The following HNRNPA3 variants were observed in gnomAD, a reference collection of about 807,000 sequenced individuals.
The protein encoded by HNRNPA3 is epididymis secretory sperm binding protein.
A neutral mutation model predicts 45.8 loss-of-function variants in HNRNPA3; 3 were observed. The observed-to-expected ratio is 0.07, with a 90% CI of 0.03 to 0.17. HNRNPA3 has a LOEUF of 0.17. Ranked by LOEUF, HNRNPA3 falls within the 10% of genes least tolerant of loss-of-function variation. HNRNPA3 has a pLI of 1.00. For synonymous variants in HNRNPA3, 170 were observed against 155.6 expected (o/e 1.09, Z -0.69); for missense variants, 183 against 480.3 (o/e 0.38, Z 5.79).
At chr2:177,217,941 A>C (rs1333014133) in intron 8 of HNRNPA3, 96 bp downstream of exon 8, 8 of 1,215,630 alleles carry the variant, frequency 6.6e-6, no homozygotes, top group African/African-American at 1.6e-5. Flanking sequence ...CGTTTGATCA[A>C]ATTTTATGTT....
chr2:177,212,840 C>T (rs1443692278), exon 1 of HNRNPA3: 7 of 1,551,714 alleles, frequency 4.5e-6, no homozygotes, highest in Non-Finnish European at 6.1e-6. Context: ...CAGCCCGACT[C>T]CGGCCGTCGC....
intron 8 of HNRNPA3, among the ~76,000 whole-genome samples, chr2:177,218,806 A>G (rs1239840909): frequency 6.6e-6 from 1 of 152,224 alleles, no homozygotes; most frequent in African/African-American, 2.4e-5. Context: ...AACACTGGCA[A>G]TTTTAATGGT....
chr2:177,218,052 C>CTTTTTTTTTTTTTTTTTTTTTTTTTTT (rs58476089), intron 8 of HNRNPA3, among the ~76,000 whole-genome samples: 2 of 102,190 alleles, frequency 2.0e-5, no homozygotes, highest in African/African-American at 4.0e-5. Context: ...TCTCTTTTTT[C>CTTTTTTTTTTTTTTTTTTTTTTTTTTT]TTTTTTTTTT....
chr2:177,217,636 C>A, intron 7 of HNRNPA3, 69 bp from the exon 8 acceptor site: 1 of 1,584,646 alleles, frequency 6.3e-7, no homozygotes, highest in Non-Finnish European at 8.7e-7. Context: ...CTTACACACA[C>A]ACCAGAATTG....
At position 177,219,160 on chromosome 2, in the gene HNRNPA3, G is replaced by GT. The variant is rs1689083965; in HGVS notation, c.1084+2dup. ...AGAAGCTCGGGCAGTCCCTATGGTGGTAAGTACTTTCTTAAATCAATTCTT... is the reference window on the plus strand; with the variant it reads ...AGAAGCTCGGGCAGTCCCTATGGTGGTTAAGTACTTTCTTAAATCAATTCTT... On this transcript the variant is annotated splice_donor_variant, in intron 9 of 10. Transcript: ENST00000392524. LOFTEE classifies it high-confidence loss of function. 1 of 1,612,972 alleles carries GT rather than the reference G, an allele frequency of 6.2e-7. No individual in the cohort carries two copies. Among genetic ancestry groups the GT allele is most frequent in the Non-Finnish European group, 8.5e-7 (1 of 1,179,724 alleles).
exon 7 of HNRNPA3, chr2:177,216,888 C>T (rs368828729): frequency 1.2e-6 from 2 of 1,603,848 alleles, no homozygotes; most frequent in Non-Finnish European, 1.7e-6. Context: ...GTGGTGGCAG[C>T]AGAGGTAGTT....
At chr2:177,213,952 A>G (rs1054577319) in intron 1 of HNRNPA3, among the ~76,000 whole-genome samples, 1 of 152,264 alleles carries the variant, frequency 6.6e-6, no homozygotes, top group Non-Finnish European at 1.5e-5. Context: ...ATGAGATTAC[A>G]TGAATTAATG....
intron 8 of HNRNPA3, among the ~76,000 whole-genome samples, chr2:177,218,210 T>C (rs1205472878): frequency 6.6e-6 from 1 of 152,018 alleles, no homozygotes; most frequent in Non-Finnish European, 1.5e-5. Context: ...TACAGGCGTA[T>C]GCCAGCACGC....
rs1407193252 is a variant in HNRNPA3 at position 177,212,883 on chromosome 2, A to G, written c.72+12A>G. 14 of 1,435,216 alleles carry G rather than the reference A, an allele frequency of 9.8e-6. No homozygotes were observed. The highest frequency in any genetic ancestry group is 5.5e-5 in the East Asian group (2 of 36,654). The allele number at this position is 1,435,216 out of a possible 1,614,324, so 88.9% of individuals were successfully genotyped here. ...GCCGGGGGGAGGAGGTATTAGGGGG[A>G]GAGCGGGGGGTTGGTGGGGAATGGC... On this transcript the variant is annotated intron_variant, in intron 1 of 10. Coordinates refer to ENST00000392524, the Ensembl canonical transcript of HNRNPA3.
At chr2:177,217,991 A>ACC in intron 8 of HNRNPA3, 146 bp downstream of exon 8, 1 of 666,052 alleles carries the variant, frequency 1.5e-6, no homozygotes, top group Non-Finnish European at 2.3e-6. Flanking sequence ...GTTCAAACCA[A>ACC]ATTTTCTTGA....
At position 177,215,959 on chromosome 2, in the gene HNRNPA3, T is replaced by G; in HGVS notation, c.343-19T>G. The G allele has an allele frequency of 6.2e-7, 1 of 1,600,422 alleles. No homozygotes were observed. Among genetic ancestry groups the G allele is most frequent in the Non-Finnish European group, 8.5e-7 (1 of 1,175,760 alleles). On this transcript the variant is annotated intron_variant, in intron 3 of 10. Transcript: ENST00000392524. ...TGTGAAAGTTTGTTTCTTGACTTAA[T>G]ATATTACTTTATTTGTAGGATTCTG...
intron 1 of HNRNPA3, among the ~76,000 whole-genome samples, 164 bp downstream of exon 1, chr2:177,213,035 C>T (rs1015921666): frequency 6.6e-6 from 1 of 152,030 alleles, no homozygotes; most frequent in African/African-American, 2.4e-5. Context: ...CTCCTTGGGG[C>T]CCCTCGCCCG....
At chr2:177,218,058 T>TC (rs1310895133) in intron 8 of HNRNPA3, among the ~76,000 whole-genome samples, 10 of 15,326 alleles carry the variant, frequency 6.5e-4, no homozygotes, top group African/African-American at 8.9e-4. Flanking sequence ...TTTTCTTTTT[T>TC]TTTTTTTTTT....
exon 4 of HNRNPA3, chr2:177,216,125 G>A: frequency 1.9e-6 from 3 of 1,577,414 alleles, no homozygotes. Context: ...CAGGCAGAGT[G>A]GAAAAAAGAG....
chr2:177,216,452 T>G, intron 4 of HNRNPA3, 51 bp from the exon 5 acceptor site: 1 of 1,387,522 alleles, frequency 7.2e-7, no homozygotes, highest in Non-Finnish European at 1.0e-6. Context: ...TATATGTGCT[T>G]TTCCAAACAT....
chr2:177,214,130 C>G (rs1257723632), intron 1 of HNRNPA3, among the ~76,000 whole-genome samples: 7 of 152,206 alleles, frequency 4.6e-5, no homozygotes, highest in Admixed American at 2.0e-4. Context: ...AATGACAGTT[C>G]ATGCAATGTG....
At chr2:177,218,428 C>T (rs914723599) in intron 8 of HNRNPA3, among the ~76,000 whole-genome samples, 19 of 152,236 alleles carry the variant, frequency 1.2e-4, no homozygotes, top group Admixed American at 3.9e-4. Flanking sequence ...ACATGTTTTA[C>T]GTGTAAAAGA....
At position 177,215,521 on chromosome 2, in the gene HNRNPA3, A is replaced by T. The variant is rs1558968797; in HGVS notation, c.73-18A>T. The stretch of plus-strand genomic sequence containing the variant: ...ATCTACTGTAAGGTAACTTAAGAGT[A>T]TTGGTTCTTTCTCTCAGGGCCATGA... On this transcript the variant is annotated intron_variant, in intron 1 of 10. Coordinates refer to ENST00000392524, the Ensembl canonical transcript of HNRNPA3. 8 of 1,613,524 alleles carry T rather than the reference A, an allele frequency of 5.0e-6. No individual in the cohort carries two copies. The highest frequency in any genetic ancestry group is 4.5e-5 in the East Asian group (2 of 44,886).
rs375693090 is a variant in HNRNPA3 at position 177,213,405 on chromosome 2, C to G, written c.72+534C>G. On this transcript the variant is annotated intron_variant, in intron 1 of 10. Coordinates refer to ENST00000392524, the Ensembl canonical transcript of HNRNPA3. Reference sequence around the variant, plus strand: ...CGGCAGAAAAAGCCGCAAATGGCCTCGAAGCATGGGGAGGTAGTGCTTTCG... The same window carrying G: ...CGGCAGAAAAAGCCGCAAATGGCCTGGAAGCATGGGGAGGTAGTGCTTTCG... Among the ~76,000 whole-genome samples, 9 of 152,348 alleles carry G rather than the reference C, an allele frequency of 5.9e-5. No homozygotes were observed. The East Asian group carries it at 1.5e-3, about 26-fold the overall frequency.
Sources: allele counts gnomAD v4.1 joint callset (sites outside exome capture counted in the v4.1 genomes callset), GRCh38; gene constraint gnomAD v4.1.1; transcripts MANE v1.5; gene names NCBI Gene and HGNC (gene_info 2026-07-23, HGNC 2026-07-21).